Variants in LARGE1 observed in about 807,000 individuals in gnomAD.
The protein encoded by LARGE1 is xylosyl- and glucuronyltransferase LARGE1.
In LARGE1, 43 loss-of-function variants were observed where a neutral mutation model predicts 87.6. The observed-to-expected ratio is 0.49, with a 90% CI of 0.38 to 0.63. LARGE1 has a LOEUF of 0.63. Among genes scored for constraint, LARGE1 ranks in the 30% least tolerant of loss-of-function variants. The pLI is 0.00. For missense variants in LARGE1, 802 were observed against 1,000.2 expected, an observed-to-expected ratio of 0.80 and a Z score of 2.67; for synonymous variants, 434 against 394.6, an observed-to-expected ratio of 1.10 and a Z score of -1.18.
chr22:33,635,248 T>C (rs966882448), intron 3 of LARGE1, among the ~76,000 whole-genome samples: 5 of 152,314 alleles, frequency 3.3e-5, no homozygotes, highest in South Asian at 4.1e-4. Flanking sequence ...CCCTTTATTT[T>C]TGGTTAAGTG....
At chr22:33,829,326 A>G (rs925976221) in intron 1 of LARGE1, among the ~76,000 whole-genome samples, 1 of 151,846 alleles carries the variant, frequency 6.6e-6, no homozygotes, top group Non-Finnish European at 1.5e-5. Flanking sequence ...CTCTTTTTCT[A>G]AAACAGCATC....
chr22:33,761,246 G>T, intron 2 of LARGE1, 125 bp downstream of exon 2: 1 of 866,208 alleles, frequency 1.2e-6, no homozygotes, highest in Non-Finnish European at 2.0e-6. Context: ...TTCTAGACAA[G>T]TCACTTCCCA....
intron 6 of LARGE1, among the ~76,000 whole-genome samples, chr22:33,546,006 G>A (rs1602356296): frequency 6.6e-6 from 1 of 152,100 alleles, no homozygotes; most frequent in East Asian, 1.9e-4. Flanking sequence ...TTGGATGCTC[G>A]GTTTTGGTTC....
chr22:33,762,761 T>C (rs550341181), intron 1 of LARGE1, among the ~76,000 whole-genome samples: 5 of 152,258 alleles, frequency 3.3e-5, no homozygotes, highest in South Asian at 2.1e-4. Context: ...ACCTGATTAT[T>C]TGACCAGGGA....
chr22:33,114,251 A>G, the LARGE1 span, among the ~76,000 whole-genome samples: 1 of 151,902 alleles, frequency 6.6e-6, no homozygotes, highest in Non-Finnish European at 1.5e-5. Flanking sequence ...AATGCTTATA[A>G]TAGTACCTGC....
intron 2 of LARGE1, among the ~76,000 whole-genome samples, chr22:33,718,977 C>T (rs187615984): frequency 7.9e-5 from 12 of 152,112 alleles, no homozygotes; most frequent in Middle Eastern, 3.4e-3. Context: ...TTAGTAGAGA[C>T]GGAGTTTCAC....
the LARGE1 span, among the ~76,000 whole-genome samples, chr22:33,100,106 C>T: frequency 2.0e-5 from 3 of 151,960 alleles, no homozygotes; most frequent in African/African-American, 4.8e-5. Context: ...GAGGCTGAGG[C>T]GGGTGGATCA....
Position 33,273,577 on chromosome 22 carries a change from C to T in LARGE1, c.*850G>A, listed in dbSNP as rs549249969. 13 of 398,740 alleles carry T rather than the reference C, an allele frequency of 3.3e-5. No homozygotes were observed. In the South Asian group the frequency reaches 5.1e-4, roughly 16 times the overall value. The allele number at this position is 398,740 out of a possible 1,614,324, so 24.7% of individuals were successfully genotyped here. On this transcript the variant is annotated 3_prime_UTR_variant, in exon 15 of 15. Coordinates refer to ENST00000397394, the MANE Select transcript of LARGE1 (RefSeq NM_133642.5). ...GCCCTCGTAATTCCGCAGTCCCCAT[C>T]GCTATAGCCCCTGGATTCTGGAGAG...
chr22:33,361,446 T>C (rs900858829), intron 9 of LARGE1, among the ~76,000 whole-genome samples: 4 of 149,392 alleles, frequency 2.7e-5, no homozygotes, highest in African/African-American at 9.9e-5. Flanking sequence ...CATCTATTTC[T>C]TCTTAACTTG....
chr22:33,140,713 G>T, the LARGE1 span, among the ~76,000 whole-genome samples: 3 of 152,076 alleles, frequency 2.0e-5, no homozygotes, highest in Non-Finnish European at 4.4e-5. Context: ...GTTTGCCAGG[G>T]GCTCTCAGGC....
chr22:33,194,352 G>A (rs998691200), intron 11 of LARGE1, among the ~76,000 whole-genome samples: 1 of 152,120 alleles, frequency 6.6e-6, no homozygotes, highest in Non-Finnish European at 1.5e-5. Flanking sequence ...CCTGAGACTT[G>A]CACGGCATGA....
chr22:33,100,349 CAAAAAA>C, the LARGE1 span, among the ~76,000 whole-genome samples: 6 of 65,322 alleles, frequency 9.2e-5, no homozygotes, highest in South Asian at 5.6e-4. Context: ...GACTCCATCT[CAAAAAA>C]AAAAAAAAAA....
chr22:33,898,739 A>AGCAAAACT (rs1481398839), intron 1 of LARGE1, among the ~76,000 whole-genome samples: 2 of 152,238 alleles, frequency 1.3e-5, no homozygotes, highest in Non-Finnish European at 2.9e-5. Flanking sequence ...GGGCAACGAG[A>AGCAAAACT]GCAAAACTCC....
chr22:33,916,150 G>A (rs978146528), intron 1 of LARGE1, among the ~76,000 whole-genome samples: 18 of 152,086 alleles, frequency 1.2e-4, no homozygotes, highest in African/African-American at 3.6e-4. Context: ...GCGTGGGGGC[G>A]GGCGCCTGTA....
At chr22:33,466,059 C>T (rs928787140) in intron 6 of LARGE1, among the ~76,000 whole-genome samples, 16 of 152,158 alleles carry the variant, frequency 1.1e-4, no homozygotes, top group Admixed American at 1.0e-3. Context: ...TATGTCCCCG[C>T]TCATTTCCAT....
chr22:33,384,551 G>C (rs112177781), intron 7 of LARGE1, among the ~76,000 whole-genome samples: 1 of 134,346 alleles, frequency 7.4e-6, no homozygotes, highest in African/African-American at 2.6e-5. Flanking sequence ...TTACTCGATA[G>C]GAGACATGAA....
At chr22:33,632,578 G>A (rs1200780293) in intron 3 of LARGE1, among the ~76,000 whole-genome samples, 1 of 151,968 alleles carries the variant, frequency 6.6e-6, no homozygotes, top group Non-Finnish European at 1.5e-5. Flanking sequence ...TCCTTGCTGG[G>A]TTTCTTAACA....
At chr22:33,551,016 G>C (rs770749690) in intron 6 of LARGE1, among the ~76,000 whole-genome samples, 14 of 152,102 alleles carry the variant, frequency 9.2e-5, no homozygotes, top group Non-Finnish European at 2.1e-4. Flanking sequence ...TGGATGTAGA[G>C]AGTGGAAAAA....
intron 1 of LARGE1, among the ~76,000 whole-genome samples, chr22:33,866,398 T>A (rs1247981548): frequency 1.3e-5 from 2 of 152,214 alleles, no homozygotes; most frequent in Admixed American, 6.5e-5. Flanking sequence ...CTAGCTACCT[T>A]TCAAGTACTC....
Sources: gnomAD v4.1 joint callset for allele counts (sites outside exome capture counted in the v4.1 genomes callset) on GRCh38, gnomAD v4.1.1 for gene constraint, MANE v1.5 for transcripts, NCBI Gene and HGNC (gene_info 2026-07-23, HGNC 2026-07-21) for gene names.